The following ARHGAP45 variants were observed in gnomAD, a reference collection of about 807,000 sequenced individuals.
The protein encoded by ARHGAP45 is Rho GTPase activating protein 45.
Under a neutral mutation model 116.1 loss-of-function variants are expected in ARHGAP45, and 56 were observed. That is an observed-to-expected ratio of 0.48 (90% confidence interval 0.39 to 0.60). The LOEUF (loss-of-function observed/expected upper bound fraction) is 0.60, where lower values mean the gene tolerates loss of function less well. Ranked by LOEUF, ARHGAP45 falls within the 20% of genes least tolerant of loss-of-function variation. The probability of loss-of-function intolerance (pLI) is 0.00; values close to 1 mark genes in which losing one functional copy is unlikely to be tolerated. For missense variants in ARHGAP45, 1,622 were observed against 1,601.0 expected, an observed-to-expected ratio of 1.01 and a Z score of -0.22; for synonymous variants, 866 against 701.7, an observed-to-expected ratio of 1.23 and a Z score of -3.70.
chr19:1,074,297 T>C (rs748256203), intron 7 of ARHGAP45, 46 bp from the exon 8 acceptor site: 6 of 1,611,774 alleles, frequency 3.7e-6, no homozygotes, highest in African/African-American at 1.3e-5. Flanking sequence ...CTGGGTGAGC[T>C]GGGAAGGCCT....
At chr19:1,084,441 G>C in intron 22 of ARHGAP45, 95 bp downstream of exon 22, 1 of 915,222 alleles carries the variant, frequency 1.1e-6, no homozygotes, top group East Asian at 2.5e-5. Flanking sequence ...ACGTGGCAGG[G>C]TCCACGGTGC....
chr19:1,083,344 C>A lies in ARHGAP45; in HGVS notation c.2946C>A (p.Pro982=). Residue 982 remains proline, a synonymous_variant, in exon 21 of 23, where the codon CCC becomes CCA. Coordinates refer to ENST00000313093, the MANE Select transcript of ARHGAP45 (RefSeq NM_012292.5). Reference sequence around the variant, plus strand: ...TCGAGGAGGAGCCGGAGGAGACCCCCGGGGGCCAGGTGAGGGTGTGGGCCT... The same window carrying A: ...TCGAGGAGGAGCCGGAGGAGACCCCAGGGGGCCAGGTGAGGGTGTGGGCCT... The part of the protein sequence containing the change: ...LVFEEEPEET[P]GGQDESSNQR... 6.5e-7 allele frequency: 1 copy of A among 1,548,404 alleles called. No homozygotes were observed. Among genetic ancestry groups the A allele is most frequent in the East Asian group, 2.4e-5 (1 of 41,524 alleles).
In ARHGAP45 at chr19:1,083,717, C is replaced by T. The variant is rs144268709; in HGVS notation, c.2955+364C>T. On this transcript the variant is annotated intron_variant, in intron 21 of 22. Transcript: ENST00000313093. ...GCCTGCCCGAGCTGCCACTGCACTC[C>T]GCCGCGAGGTCAATTCCCCGCTTCA... Among the ~76,000 whole-genome samples the T allele has an allele frequency of 6.6e-5, 10 of 152,270 alleles. No individual in the cohort carries two copies. In the East Asian group the frequency reaches 1.5e-3, roughly 23 times the overall value.
chr19:1,069,663 TG>T lies in ARHGAP45; in HGVS notation c.421+921del, dbSNP rs1355695077. Among the ~76,000 whole-genome samples, 1 of 152,150 alleles carries T rather than the reference TG, an allele frequency of 6.6e-6. No homozygotes were observed. The highest frequency in any genetic ancestry group is 2.4e-5 in the African/African-American group (1 of 41,446). Reference sequence around the variant, plus strand: ...GAGGAGTGGGAGCCCCCGGGTTATCTGGTCCCAGGGGCGGGGGCTAGGCTGC... The same window carrying T: ...GAGGAGTGGGAGCCCCCGGGTTATCTGTCCCAGGGGCGGGGGCTAGGCTGC... On this transcript the variant is annotated intron_variant, in intron 2 of 22. Transcript: ENST00000313093. This position sits in a 1 kb window ranked among gnomAD's most constrained non-coding sequence, Gnocchi z 4.1.
At chr19:1,078,619 C>T (rs1390485705) in intron 11 of ARHGAP45, among the ~76,000 whole-genome samples, 1 of 150,704 alleles carries the variant, frequency 6.6e-6, no homozygotes, top group Non-Finnish European at 1.5e-5. Context: ...CCATCTTGGC[C>T]AGGTTGGTCT....
chr19:1,076,481 GTCT>G (rs1457081774), intron 10 of ARHGAP45, among the ~76,000 whole-genome samples: 5 of 104,172 alleles, frequency 4.8e-5, no homozygotes, highest in African/African-American at 2.0e-4. Context: ...GTTGGCAGTA[GTCT>G]TTTTTTTTTT....
intron 8 of ARHGAP45, 39 bp downstream of exon 8, chr19:1,074,446 C>A (rs751089939): frequency 6.8e-7 from 1 of 1,476,094 alleles, no homozygotes; most frequent in Non-Finnish European, 9.0e-7. Flanking sequence ...GTCCCTGGGC[C>A]CGGGTGTGAG....
upstream of ARHGAP45, chr19:1,066,191 A>G (rs1450217513): frequency 3.3e-6 from 5 of 1,527,612 alleles, no homozygotes; most frequent in Non-Finnish European, 4.4e-6. Flanking sequence ...TTGGGAAAGG[A>G]AAGAGGTTGG....
rs911343550 is a variant in ARHGAP45 at position 1,068,507 on chromosome 19, C to G, written c.184C>G (p.Leu62Val). 1.3e-6 allele frequency: 2 copies of G among 1,598,814 alleles called. No homozygotes were observed. The highest frequency in any genetic ancestry group is 1.7e-6 in the Non-Finnish European group (2 of 1,173,740). ...CTCCGGCGTCAAGGCCACAGGGACC[C>G]TCAAGCGGCCCACCAGCCTGAGCCG... is the stretch of plus-strand genomic sequence containing the variant. ...GSSGVKATGT[L>V]KRPTSLSRHA... The change falls in exon 2 of 23, where the codon CTC (leucine) becomes GTC (valine). Residue 62 changes from leucine (L) to valine (V), a missense_variant. This residue lies in a region of ARHGAP45 where 279 missense variants were observed against 311.9 expected (regional missense o/e 0.89). Transcript: ENST00000313093. This position sits in a 1 kb window ranked among gnomAD's most constrained non-coding sequence, Gnocchi z 7.5.
chr19:1,073,125 G>A, intron 2 of ARHGAP45, 24 bp from the exon 3 acceptor site: 2 of 1,594,932 alleles, frequency 1.3e-6, no homozygotes, highest in South Asian at 1.1e-5. Flanking sequence ...CTACCCCACT[G>A]CTCACTCCGA....
chr19:1,077,098 C>T (rs2043267796), intron 10 of ARHGAP45: 1 of 985,172 alleles, frequency 1.0e-6, no homozygotes, highest in Admixed American at 6.2e-5. Context: ...GAGGTGTGGC[C>T]CCCGAGCCCA....
rs1442515109 is a variant in ARHGAP45 at position 1,078,101 on chromosome 19, G to C, written c.1374+56G>C. 4 of 1,511,820 alleles carry C rather than the reference G, an allele frequency of 2.6e-6. No individual in the cohort carries two copies. In the Admixed American group the frequency reaches 8.7e-5, roughly 33 times the overall value. The allele number at this position is 1,511,820 out of a possible 1,614,324, so 93.7% of individuals were successfully genotyped here. ...CCCTGGAGGAGGAGATCCAATGCTTGGTGTGACATTTACTACCTCCAGACC... is the reference window on the plus strand; with the variant it reads ...CCCTGGAGGAGGAGATCCAATGCTTCGTGTGACATTTACTACCTCCAGACC... On this transcript the variant is annotated intron_variant, in intron 11 of 22. Coordinates refer to ENST00000313093, the MANE Select transcript of ARHGAP45 (RefSeq NM_012292.5).
intron 10 of ARHGAP45, among the ~76,000 whole-genome samples, chr19:1,076,483 CTTTTTTTTTTTTT>C (rs71174343): frequency 6.5e-4 from 42 of 64,960 alleles, no homozygotes; most frequent in African/African-American, 2.2e-3. Context: ...TGGCAGTAGT[CTTTTTTTTTTTTT>C]TTTTTTTTTT....
Position 1,068,689 on chromosome 19 carries a change from C to T in ARHGAP45, c.366C>T (p.Asp122=), listed in dbSNP as rs202246041. 2.7e-4 allele frequency: 442 copies of T among 1,612,658 alleles called. 2 individuals are homozygous for T. Among genetic ancestry groups the T allele is most frequent in the Middle Eastern group, 1.8e-3 (11 of 6,060 alleles). Residue 122 remains aspartate (D), a synonymous_variant, in exon 2 of 23, where the codon GAC becomes GAT. Transcript: ENST00000313093. The surrounding 1 kb of genome is among the most constrained non-coding windows in gnomAD (Gnocchi z 7.5). The stretch of plus-strand genomic sequence containing the variant: ...AGGACATCTCCCATCTGCTGGCGGA[C>T]GTGGCCCGCTTCGCTGAGGGCCTTG... ...VVEDISHLLA[D]VARFAEGLEK...
chr19:1,067,169 T>G lies in ARHGAP45; in HGVS notation c.-237T>G. The G allele has an allele frequency of 1.6e-6, 2 of 1,240,850 alleles. No homozygotes were observed. Among genetic ancestry groups the G allele is most frequent in the Non-Finnish European group, 2.0e-6 (2 of 991,664 alleles). The allele number at this position is 1,240,850 out of a possible 1,614,324, so 76.9% of individuals were successfully genotyped here. A position where few individuals can be genotyped will look rare whatever the true frequency, so the allele number is the denominator to read the frequency against. On this transcript the variant is annotated 5_prime_UTR_variant, in exon 1 of 23. Coordinates refer to ENST00000313093, the MANE Select transcript of ARHGAP45 (RefSeq NM_012292.5). Reference sequence around the variant, plus strand: ...CCTGCGACCTCACCTTCGCGCCCACTCCGCAGAGCCGCAGGCTGAGGCCGG... The same window carrying G: ...CCTGCGACCTCACCTTCGCGCCCACGCCGCAGAGCCGCAGGCTGAGGCCGG...
At position 1,078,059 on chromosome 19, in the gene ARHGAP45, G is replaced by C; in HGVS notation, c.1374+14G>C. ...GCCAAGAACAAGGTGAGGGCGGGTG[G>C]AGGCAGGGCTGGAGGTCCCTGGAGG... On this transcript the variant is annotated intron_variant, in intron 11 of 22. Coordinates refer to ENST00000313093, the MANE Select transcript of ARHGAP45 (RefSeq NM_012292.5). The C allele has an allele frequency of 6.5e-7, 1 of 1,544,006 alleles. No individual in the cohort carries two copies.
rs1026508025 is a variant in ARHGAP45 at position 1,083,462 on chromosome 19, T to C, written c.2955+109T>C. 3 of 1,051,996 alleles carry C rather than the reference T, an allele frequency of 2.9e-6. No individual in the cohort carries two copies. In the East Asian group the frequency reaches 7.8e-5, roughly 27 times the overall value. The allele number at this position is 1,051,996 out of a possible 1,614,324, so 65.2% of individuals were successfully genotyped here. The stretch of plus-strand genomic sequence containing the variant: ...AGCCCAAGGAACCACAGGGAGATAA[T>C]TTGGTTTGGACAGGGCTGTTCGGGA... On this transcript the variant is annotated intron_variant, in intron 21 of 22. Coordinates refer to ENST00000313093, the MANE Select transcript of ARHGAP45 (RefSeq NM_012292.5).
rs1403020758 is a variant in ARHGAP45 at position 1,083,276 on chromosome 19, G to T, written c.2878G>T (p.Ala960Ser). 6.3e-7 allele frequency: 1 copy of T among 1,594,694 alleles called. No homozygotes were observed. The highest frequency in any genetic ancestry group is 8.5e-7 in the Non-Finnish European group (1 of 1,170,532). The stretch of plus-strand genomic sequence containing the variant: ...CTCCCTGGTGGATTATCCCCATCAG[G>T]CCCGCGTCATCGAGACTCTCATCGT... ...LSSLVDYPHQARVIETLIVHY... is the reference protein window; with the variant it reads ...LSSLVDYPHQSRVIETLIVHY... The change falls in exon 21 of 23, where the codon GCC (alanine) becomes TCC (serine). Residue 960 changes from alanine to serine, a missense_variant. Physicochemically the swap from Ala to Ser is moderately conservative, Grantham distance 99. Around this residue, in one of 3 missense-constraint regions of ARHGAP45, gnomAD observed 1,334 missense variants for 1,263.8 expected, o/e 1.06. Coordinates refer to ENST00000313093, the MANE Select transcript of ARHGAP45 (RefSeq NM_012292.5).
At chr19:1,084,409 G>C in intron 22 of ARHGAP45, 63 bp downstream of exon 22, 1 of 1,313,154 alleles carries the variant, frequency 7.6e-7, no homozygotes, top group East Asian at 2.3e-5. Context: ...ATGGGCGCAG[G>C]TGCCATGACC....
Sources: gnomAD v4.1 joint callset for allele counts (sites outside exome capture counted in the v4.1 genomes callset) on GRCh38, gnomAD v4.1.1 for gene constraint, gnomAD v4.1.1 regional missense constraint, Gnocchi (gnomAD v3.1) non-coding constraint, MANE v1.5 for transcripts, NCBI Gene and HGNC (gene_info 2026-07-23, HGNC 2026-07-21) for gene names.